ATXN10: variants seen among roughly 807,000 people sequenced by gnomAD.
ATXN10 encodes the protein ataxin 10, also known as ataxin-10.
Under a neutral mutation model 52.9 loss-of-function variants are expected in ATXN10, and 28 were observed. The observed-to-expected ratio is 0.53, with a 90% confidence interval of 0.39 to 0.73. The LOEUF (loss-of-function observed/expected upper bound fraction) is 0.73. Among genes scored for constraint, ATXN10 ranks in the 30% least tolerant of loss-of-function variants. The probability of loss-of-function intolerance (pLI) is 0.00; values close to 1 mark genes in which losing one functional copy is unlikely to be tolerated. For missense variants in ATXN10, 565 were observed against 577.0 expected (o/e 0.98, Z 0.21); for synonymous variants, 226 against 221.5 (o/e 1.02, Z -0.18).
At chr22:45,740,576 CT>C (rs1482887389) in intron 9 of ATXN10, 38 bp downstream of exon 9, 4 of 1,591,114 alleles carry the variant, frequency 2.5e-6, no homozygotes, top group Non-Finnish European at 1.7e-6. Flanking sequence ...ACATGTATGG[CT>C]TCATTTAGAA....
In ATXN10 at chr22:45,845,192, T is replaced by G. The variant is rs955987910; in HGVS notation, c.*1521T>G. ...CTTTTAACAAGTTTGCAATAGACAC[T>G]TCTTTTTTTCCTGTCTCAATGGATG... is the stretch of plus-strand genomic sequence containing the variant. On this transcript the variant is annotated 3_prime_UTR_variant, in exon 12 of 12. Coordinates refer to ENST00000252934, the MANE Select transcript of ATXN10 (RefSeq NM_013236.4). This position sits in a 1 kb window ranked among gnomAD's most constrained non-coding sequence, Gnocchi z 4.7. 2 of 152,230 alleles carry G rather than the reference T, an allele frequency of 1.3e-5. No homozygotes were observed. The highest frequency in any genetic ancestry group is 4.8e-5 in the African/African-American group (2 of 41,458). The allele number at this position is 152,230 out of a possible 1,614,324, so 9.4% of individuals were successfully genotyped here. A position where few individuals can be genotyped will look rare whatever the true frequency, so the allele number is the denominator to read the frequency against.
In ATXN10 at chr22:45,677,298, G is replaced by A. The variant is rs1363239615; in HGVS notation, c.116+5119G>A. On this transcript the variant is annotated intron_variant, in intron 1 of 11. Coordinates refer to ENST00000252934, the MANE Select transcript of ATXN10 (RefSeq NM_013236.4). This position sits in a 1 kb window ranked among gnomAD's most constrained non-coding sequence, Gnocchi z 4.1. The stretch of plus-strand genomic sequence containing the variant: ...TGGCATCTAGCATAGAGTTGATAGT[G>A]GCAGATGCTTATCAGTTTCTTGTGG... 5 of 152,084 alleles carry A rather than the reference G, an allele frequency of 3.3e-5. No homozygotes were observed. Among genetic ancestry groups the A allele is most frequent in the African/African-American group, 9.7e-5 (4 of 41,402 alleles). 9.4% of individuals were successfully genotyped at this position (152,084 alleles called of 1,614,324 possible).
Position 45,693,089 on chromosome 22 carries a change from A to G in ATXN10, c.391+11A>G, listed in dbSNP as rs756408720. 1.9e-6 allele frequency: 3 copies of G among 1,604,868 alleles called. No homozygotes were observed. Among genetic ancestry groups the G allele is most frequent in the Admixed American group, 1.7e-5 (1 of 60,006 alleles). ...AATCTCTGTTGACAGGTAGCATGCA[A>G]TATAATTCATGGATTATTTATATCT... On this transcript the variant is annotated intron_variant, in intron 3 of 11. Transcript: ENST00000252934.
chr22:45,713,147 C>T (rs556242075), intron 5 of ATXN10, among the ~76,000 whole-genome samples: 2 of 152,020 alleles, frequency 1.3e-5, no homozygotes, highest in African/African-American at 4.8e-5. Flanking sequence ...GTGAGGAGTT[C>T]GCCTTTCGCT....
intron 9 of ATXN10, among the ~76,000 whole-genome samples, chr22:45,742,530 TAA>T (rs58501128): frequency 3.6e-4 from 50 of 140,042 alleles, no homozygotes; most frequent in African/African-American, 6.3e-4. Context: ...GTATCTAAAA[TAA>T]AAAAAAAAAA....
intron 7 of ATXN10, chr22:45,734,383 A>T: frequency 3.5e-6 from 1 of 282,512 alleles, no homozygotes; most frequent in South Asian, 3.1e-5. Context: ...ATTTTCTGGA[A>T]ATTAGTCTTT....
chr22:45,806,953 C>T lies in ATXN10; in HGVS notation c.1174-6C>T, dbSNP rs376464044. On this transcript the variant is annotated splice_polypyrimidine_tract_variant and splice_region_variant and intron_variant, in intron 9 of 11. Coordinates refer to ENST00000252934, the MANE Select transcript of ATXN10 (RefSeq NM_013236.4). ...CAGTGTATAAACTTATCTTCTTTCT[C>T]TCTAGGTAAATGAGCTGGATGGTAT... 1 of 1,611,530 alleles carries T rather than the reference C, an allele frequency of 6.2e-7. No individual in the cohort carries two copies. The highest frequency in any genetic ancestry group is 8.5e-7 in the Non-Finnish European group (1 of 1,177,678).
At chr22:45,814,396 T>TG (rs1390271466) in intron 10 of ATXN10, among the ~76,000 whole-genome samples, 1 of 152,164 alleles carries the variant, frequency 6.6e-6, no homozygotes, top group African/African-American at 2.4e-5. Context: ...ATCAGGGAAA[T>TG]GCAAATTTAA....
intron 9 of ATXN10, among the ~76,000 whole-genome samples, chr22:45,799,077 T>C (rs2075433026): frequency 2.3e-5 from 1 of 44,014 alleles, no homozygotes; most frequent in Non-Finnish European, 4.6e-5. Flanking sequence ...ACATTTGTGT[T>C]TTGTTTTTTG....
At chr22:45,697,540 A>G (rs1207013300) in intron 3 of ATXN10, among the ~76,000 whole-genome samples, 1 of 152,038 alleles carries the variant, frequency 6.6e-6, no homozygotes, top group Non-Finnish European at 1.5e-5. Context: ...CTGTAGATCT[A>G]CCTACTCTGG....
chr22:45,773,097 G>C (rs1926830785), intron 9 of ATXN10, among the ~76,000 whole-genome samples: 1 of 152,202 alleles, frequency 6.6e-6, no homozygotes, highest in Non-Finnish European at 1.5e-5. Context: ...ATGTGGTGGG[G>C]GAGCTACTGT....
intron 10 of ATXN10, among the ~76,000 whole-genome samples, chr22:45,808,177 G>A (rs939665338): frequency 8.5e-5 from 13 of 152,162 alleles, no homozygotes; most frequent in African/African-American, 2.9e-4. Context: ...CCTGAAGGCT[G>A]TGCTCATTAA....
intron 9 of ATXN10, among the ~76,000 whole-genome samples, chr22:45,745,467 C>T (rs555013286): frequency 6.6e-6 from 1 of 152,164 alleles, no homozygotes; most frequent in East Asian, 1.9e-4. Context: ...TAAAATATTC[C>T]CAGCAGTCAC....
At chr22:45,741,454 C>G (rs980214682) in intron 9 of ATXN10, among the ~76,000 whole-genome samples, 1 of 152,020 alleles carries the variant, frequency 6.6e-6, no homozygotes, top group East Asian at 1.9e-4. Flanking sequence ...CACCTTGCTG[C>G]GAGTTGCTGA....
At position 45,729,454 on chromosome 22, in the gene ATXN10, A is replaced by G. The variant is rs775931227; in HGVS notation, c.758A>G (p.Lys253Arg). 24 of 1,614,040 alleles carry G rather than the reference A, an allele frequency of 1.5e-5. No individual in the cohort carries two copies. In the African/African-American group the frequency reaches 3.1e-4, roughly 21 times the overall value. Residue 253 changes from lysine (K) to arginine (R), a missense_variant, in exon 7 of 12, where the codon AAG (lysine) becomes AGG (arginine). Coordinates refer to ENST00000252934, the MANE Select transcript of ATXN10 (RefSeq NM_013236.4). ...ACACTGTTAGACCTTATGATAGCCAAGATAACGAGTGATGAGCCACTCACC... is the reference window on the plus strand; with the variant it reads ...ACACTGTTAGACCTTATGATAGCCAGGATAACGAGTGATGAGCCACTCACC... ...RVTLLDLMIA[K>R]ITSDEPLTKD...
In ATXN10 at chr22:45,833,897, G is replaced by C. The variant is rs954620030; in HGVS notation, c.1238-9094G>C. On this transcript the variant is annotated intron_variant, in intron 10 of 11. Coordinates refer to ENST00000252934, the MANE Select transcript of ATXN10 (RefSeq NM_013236.4). This position sits in a 1 kb window ranked among gnomAD's most constrained non-coding sequence, Gnocchi z 4.3. ...ATCAGGGGAGCGGATGCCAGAGCCTGACTGCCTACTTCCAAATCCACCTTG... is the reference window on the plus strand; with the variant it reads ...ATCAGGGGAGCGGATGCCAGAGCCTCACTGCCTACTTCCAAATCCACCTTG... Among the ~76,000 whole-genome samples, 3 of 152,168 alleles carry C rather than the reference G, an allele frequency of 2.0e-5. No homozygotes were observed. Among genetic ancestry groups the C allele is most frequent in the Middle Eastern group, 3.2e-3 (1 of 316 alleles).
In ATXN10 at chr22:45,823,946, C is replaced by G. The variant is rs1277489639; in HGVS notation, c.1237+16924C>G. ...ATCTTGTGACGTGCCCTTGCTGGGT[C>G]TGTCGCTTGTACTTTTTTGTGAGCT... On this transcript the variant is annotated intron_variant, in intron 10 of 11. Coordinates refer to ENST00000252934, the MANE Select transcript of ATXN10 (RefSeq NM_013236.4). This position sits in a 1 kb window ranked among gnomAD's most constrained non-coding sequence, Gnocchi z 4.9. Among the ~76,000 whole-genome samples the G allele has an allele frequency of 2.0e-5, 3 of 152,210 alleles. 1 individual carries two copies. The highest frequency in any genetic ancestry group is 7.2e-5 in the African/African-American group (3 of 41,448).
chr22:45,801,725 G>A (rs136013), intron 9 of ATXN10, among the ~76,000 whole-genome samples: 133,012 of 152,270 alleles, frequency 0.87, 58,401 homozygotes, highest in African/African-American at 0.96. Flanking sequence ...CTGAAGGACA[G>A]CTAGTGGTTG....
At chr22:45,751,752 AAATAAAAAAAAAAT>A (rs1443191420) in intron 9 of ATXN10, among the ~76,000 whole-genome samples, 40 of 95,906 alleles carry the variant, frequency 4.2e-4, no homozygotes, top group Middle Eastern at 5.0e-3. Flanking sequence ...AAAAAAAAAA[AAATAAAAAAAAAAT>A]AATAATAATA....
Sources: gnomAD v4.1 joint callset for allele counts (sites outside exome capture counted in the v4.1 genomes callset) on GRCh38, gnomAD v4.1.1 for gene constraint, Gnocchi (gnomAD v3.1) non-coding constraint, MANE v1.5 for transcripts, NCBI Gene and HGNC (gene_info 2026-07-23, HGNC 2026-07-21) for gene names.